Variants in L3HYPDH observed in about 807,000 individuals in gnomAD.
L3HYPDH encodes trans-3-hydroxy-L-proline dehydratase.
A neutral mutation model predicts 26.5 loss-of-function variants in L3HYPDH; 32 were observed. That is an observed-to-expected ratio of 1.21 (90% confidence interval 0.91 to 1.62). The LOEUF is 1.62. Ranked by LOEUF, L3HYPDH falls within the 40% of genes most tolerant of loss-of-function variation. The pLI is 0.00. For missense variants in L3HYPDH, 554 were observed against 476.4 expected, an observed-to-expected ratio of 1.16 and a Z score of -1.52; for synonymous variants, 215 against 196.6, an observed-to-expected ratio of 1.09 and a Z score of -0.78.
chr14:59,483,808 C>A lies in L3HYPDH; in HGVS notation c.508+1G>T. On this transcript the variant is annotated splice_donor_variant, in intron 1 of 4. Transcript: ENST00000247194. LOFTEE classifies it high-confidence loss of function. Reference sequence around the variant, plus strand: ...TGGGCTGGAAAGGTCCCGCCCATTACCTGTGGCCAGCACGAAGGCCGGGAC... The same window carrying A: ...TGGGCTGGAAAGGTCCCGCCCATTAACTGTGGCCAGCACGAAGGCCGGGAC... 1 of 1,593,076 alleles carries A rather than the reference C, an allele frequency of 6.3e-7. No homozygotes were observed.
chr14:59,465,673 G>A (rs372885252), intron 1 of L3HYPDH, among the ~76,000 whole-genome samples: 1 of 152,216 alleles, frequency 6.6e-6, no homozygotes, highest in Non-Finnish European at 1.5e-5. Flanking sequence ...GGAGTGGTGG[G>A]GGGGGCACTC....
intron 1 of L3HYPDH, chr14:59,483,532 G>A: frequency 1.4e-6 from 2 of 1,388,040 alleles, no homozygotes; most frequent in South Asian, 1.5e-5. Context: ...TGCCTCACCA[G>A]TGCAGAGGGA....
At chr14:59,484,542 C>G (rs776604972), upstream of L3HYPDH, 4 of 1,562,328 alleles carry the variant, frequency 2.6e-6, no homozygotes, top group African/African-American at 2.7e-5. Flanking sequence ...GGTGCAGCTG[C>G]CAGATCCGCT....
chr14:59,501,295 A>G, the L3HYPDH span: 1 of 1,383,790 alleles, frequency 7.2e-7, no homozygotes, highest in Admixed American at 1.8e-5. Flanking sequence ...CCTTTGTTAA[A>G]GACTTTTTGA....
the L3HYPDH span, chr14:59,495,019 T>C: frequency 1.2e-5 from 19 of 1,612,512 alleles, no homozygotes; most frequent in Non-Finnish European, 1.6e-5. Flanking sequence ...CTTCTCTAGT[T>C]CCAGCGCACT....
chr14:59,480,224 A>G (rs993846171), intron 1 of L3HYPDH, among the ~76,000 whole-genome samples: 2 of 152,210 alleles, frequency 1.3e-5, no homozygotes, highest in African/African-American at 4.8e-5. Context: ...GAAGGGAGAA[A>G]TATTTCTCCT....
At chr14:59,470,444 T>TAAA (rs1889281735), downstream of L3HYPDH, among the ~76,000 whole-genome samples, 1 of 152,212 alleles carries the variant, frequency 6.6e-6, no homozygotes, top group African/African-American at 2.4e-5. Context: ...GACCTAACTC[T>TAAA]TACTGAGTCT....
chr14:59,485,008 A>G (rs369613111), upstream of L3HYPDH: 515 of 1,585,382 alleles, frequency 3.2e-4, 6 homozygotes, highest in East Asian at 5.5e-3. Context: ...CGCCCGTCAC[A>G]AAGGGCAGGA....
intron 2 of L3HYPDH, chr14:59,478,764 ATACGT>A (rs1324712987): frequency 6.4e-6 from 1 of 156,182 alleles, no homozygotes; most frequent in Non-Finnish European, 1.4e-5. Context: ...CCAAGGTTAT[ATACGT>A]TACCAGTGGT....
At chr14:59,495,319 G>C in the L3HYPDH span, 1 of 918,482 alleles carries the variant, frequency 1.1e-6, no homozygotes, top group African/African-American at 1.7e-5. Flanking sequence ...AACAGGTGTG[G>C]GTTTGAGTTC....
At chr14:59,480,131 G>A (rs535519808) in intron 1 of L3HYPDH, among the ~76,000 whole-genome samples, 1 of 152,270 alleles carries the variant, frequency 6.6e-6, no homozygotes, top group Admixed American at 6.5e-5. Context: ...CTATGGCAGG[G>A]GAGAAAGCTT....
upstream of L3HYPDH, chr14:59,487,444 A>G: frequency 2.7e-6 from 1 of 368,944 alleles, no homozygotes; most frequent in Non-Finnish European, 4.8e-6. Flanking sequence ...ATGTTAGTCA[A>G]CTATTTTAGT....
At chr14:59,481,934 C>T (rs75327973) in intron 1 of L3HYPDH, among the ~76,000 whole-genome samples, 7 of 152,224 alleles carry the variant, frequency 4.6e-5, no homozygotes, top group Non-Finnish European at 8.8e-5. Context: ...ATTAGGGACT[C>T]GAAAGCCAAA....
intron 1 of L3HYPDH, 57 bp downstream of exon 1, chr14:59,483,752 A>C: frequency 6.4e-7 from 1 of 1,563,600 alleles, no homozygotes; most frequent in Non-Finnish European, 8.6e-7. Flanking sequence ...CCGTTAATGT[A>C]GTTAGTCGCG....
chr14:59,500,879 T>C, the L3HYPDH span: 1 of 208,690 alleles, frequency 4.8e-6, no homozygotes, highest in African/African-American at 2.3e-5. Context: ...GAAACGTATG[T>C]TTTATTGTCC....
chr14:59,492,151 T>A, the L3HYPDH span, among the ~76,000 whole-genome samples: 2 of 152,030 alleles, frequency 1.3e-5, no homozygotes, highest in Non-Finnish European at 1.5e-5. Context: ...AAAGTAAGGA[T>A]GTAGTCACAA....
upstream of L3HYPDH, chr14:59,484,446 A>C: frequency 7.3e-7 from 1 of 1,377,328 alleles, no homozygotes; most frequent in East Asian, 2.4e-5. Flanking sequence ...TCGGAGCCTA[A>C]ACCCGGAAGC....
At chr14:59,471,714 A>G (rs1167435840), downstream of L3HYPDH, among the ~76,000 whole-genome samples, 1 of 152,214 alleles carries the variant, frequency 6.6e-6, no homozygotes, top group Non-Finnish European at 1.5e-5. Context: ...ATTTTTAAAC[A>G]ATTTCCTTCA....
chr14:59,485,329 C>A, upstream of L3HYPDH: 24 of 441,838 alleles, frequency 5.4e-5, no homozygotes, highest in East Asian at 7.9e-5. Flanking sequence ...ATTGTGATTA[C>A]AATTGGTTAC....
Sources: gnomAD v4.1 joint callset for allele counts (sites outside exome capture counted in the v4.1 genomes callset) on GRCh38, gnomAD v4.1.1 for gene constraint, MANE v1.5 for transcripts, NCBI Gene and HGNC (gene_info 2026-07-23, HGNC 2026-07-21) for gene names.